Variants in NMNAT2 observed in about 807,000 individuals in gnomAD.
NMNAT2 encodes nicotinamide/nicotinic acid mononucleotide adenylyltransferase 2.
NMNAT2 carries 11 observed loss-of-function variants against 41.6 expected under a neutral mutation model. That is an observed-to-expected ratio of 0.26 (90% CI 0.17 to 0.44). The LOEUF is 0.44. NMNAT2 is among the 20% of genes least tolerant of loss of function. NMNAT2 has a pLI of 1.00. For synonymous variants in NMNAT2, 148 were observed against 151.2 expected, an observed-to-expected ratio of 0.98 and a Z score of 0.16; for missense variants, 288 against 407.7, an observed-to-expected ratio of 0.71 and a Z score of 2.53.
At chr1:183,285,854 C>T (rs950354796) in intron 5 of NMNAT2, among the ~76,000 whole-genome samples, 13 of 152,256 alleles carry the variant, frequency 8.5e-5, no homozygotes, top group African/African-American at 3.1e-4. Flanking sequence ...CATTTGGGCA[C>T]ATAGTCCTAG....
intron 1 of NMNAT2, among the ~76,000 whole-genome samples, chr1:183,349,793 A>G (rs1663006482): frequency 2.6e-5 from 4 of 152,208 alleles, no homozygotes; most frequent in Non-Finnish European, 5.9e-5. Flanking sequence ...GGAACATCAA[A>G]TATTGATTTT....
chr1:183,259,946 A>G (rs1297465349), intron 10 of NMNAT2, among the ~76,000 whole-genome samples: 1 of 152,114 alleles, frequency 6.6e-6, no homozygotes, highest in Non-Finnish European at 1.5e-5. Context: ...CGTGGCTTTC[A>G]GTTTTACACT....
At chr1:183,341,962 G>T (rs1451789010) in intron 1 of NMNAT2, among the ~76,000 whole-genome samples, 2 of 151,764 alleles carry the variant, frequency 1.3e-5, no homozygotes, top group Non-Finnish European at 2.9e-5. Context: ...ATGAATTGAG[G>T]GGGAAGTTTC....
At chr1:183,308,565 G>A (rs1662045498) in intron 1 of NMNAT2, among the ~76,000 whole-genome samples, 1 of 152,210 alleles carries the variant, frequency 6.6e-6, no homozygotes, top group Admixed American at 6.5e-5. Flanking sequence ...AAAGGAAGCT[G>A]TTAAATGTTG....
intron 7 of NMNAT2, among the ~76,000 whole-genome samples, chr1:183,282,150 T>C (rs1661287836): frequency 6.6e-6 from 1 of 152,206 alleles, no homozygotes; most frequent in Admixed American, 6.5e-5. Context: ...TTCTCCATTC[T>C]CTACCCCACA....
intron 7 of NMNAT2, among the ~76,000 whole-genome samples, chr1:183,281,610 A>T (rs769537569): frequency 6.6e-6 from 1 of 152,190 alleles, no homozygotes; most frequent in Non-Finnish European, 1.5e-5. Context: ...TTTAAGTCAG[A>T]CAAGCGGCCC....
intron 1 of NMNAT2, among the ~76,000 whole-genome samples, chr1:183,301,576 G>A (rs934785594): frequency 6.6e-6 from 1 of 152,192 alleles, no homozygotes; most frequent in African/African-American, 2.4e-5. Flanking sequence ...CTTTGCTCCT[G>A]TGCTCATGGA....
At chr1:183,338,520 GA>G (rs1662727356) in intron 1 of NMNAT2, among the ~76,000 whole-genome samples, 1 of 152,164 alleles carries the variant, frequency 6.6e-6, no homozygotes. Context: ...ATGGAAATAA[GA>G]ACCTGTTCTG....
At position 183,390,687 on chromosome 1, in the gene NMNAT2, A is replaced by C. The variant is rs570515480; in HGVS notation, c.85+27496T>G. Among the ~76,000 whole-genome samples the C allele has an allele frequency of 9.2e-5, 14 of 152,340 alleles. No homozygotes were observed. The South Asian group carries it at 2.9e-3, about 32-fold the overall frequency. ...TAGTTTTTGCTGGGGAGAAATGTAA[A>C]GGATAGCACATTTGTCTAAAATGAA... On this transcript the variant is annotated intron_variant, in intron 1 of 10. Coordinates refer to ENST00000287713, the MANE Select transcript of NMNAT2 (RefSeq NM_015039.4).
intron 8 of NMNAT2, among the ~76,000 whole-genome samples, chr1:183,265,349 C>T (rs1269763882): frequency 2.1e-5 from 3 of 142,722 alleles, no homozygotes; most frequent in Non-Finnish European, 4.5e-5. Context: ...TCACTGCAAC[C>T]TCCACCTCCT....
At chr1:183,352,371 C>T (rs982267014) in intron 1 of NMNAT2, among the ~76,000 whole-genome samples, 1 of 151,992 alleles carries the variant, frequency 6.6e-6, no homozygotes, top group Admixed American at 6.5e-5. Flanking sequence ...CGAGACCAGC[C>T]TGGCCAACAT....
intron 2 of NMNAT2, among the ~76,000 whole-genome samples, 155 bp from the exon 3 acceptor site, chr1:183,293,012 A>G (rs193041073): frequency 5.3e-4 from 80 of 152,356 alleles, no homozygotes; most frequent in Non-Finnish European, 6.0e-4. Context: ...CGTTTGCCAC[A>G]CAGGCAGGCC....
Position 183,284,729 on chromosome 1 carries a change from C to T in NMNAT2, c.510G>A (p.Val170=), listed in dbSNP as rs779323009. ...LSRICCVRPP[V]ERFTFVDENA... ...CCTCACCTACAAAGGTGAAACGCTC[C>T]ACCGGCGGGCGGACACAGCAGATCC... The change falls in exon 6 of 11, where the codon GTG becomes GTA. Residue 170 remains valine (V), a synonymous_variant. Transcript: ENST00000287713. 2.5e-6 allele frequency: 4 copies of T among 1,614,044 alleles called. No homozygotes were observed. In the South Asian group the frequency reaches 3.3e-5, roughly 13 times the overall value.
intron 7 of NMNAT2, chr1:183,283,566 G>C (rs958683639): frequency 2.6e-5 from 8 of 307,966 alleles, no homozygotes; most frequent in African/African-American, 1.8e-4. Flanking sequence ...GCCCAAGGCT[G>C]CAAGGGAGGT....
intron 10 of NMNAT2, among the ~76,000 whole-genome samples, chr1:183,257,132 G>A (rs1423922806): frequency 6.6e-6 from 1 of 151,070 alleles, no homozygotes; most frequent in Admixed American, 6.6e-5. Flanking sequence ...CCTTCCAGCT[G>A]TATTTCTTTG....
chr1:183,312,831 A>T (rs1037722720), intron 1 of NMNAT2, among the ~76,000 whole-genome samples: 2 of 152,260 alleles, frequency 1.3e-5, no homozygotes, highest in Admixed American at 1.3e-4. Flanking sequence ...GTGAGGATCA[A>T]ATGAACTAAG....
chr1:183,375,807 A>T lies in NMNAT2; in HGVS notation c.85+42376T>A, dbSNP rs576855210. The stretch of plus-strand genomic sequence containing the variant: ...AGCCTCTCAGAGTACTTATGAGTCA[A>T]TGGGTACATGAACACTTTCTCCTCT... On this transcript the variant is annotated intron_variant, in intron 1 of 10. Coordinates refer to ENST00000287713, the MANE Select transcript of NMNAT2 (RefSeq NM_015039.4). Among the ~76,000 whole-genome samples the T allele has an allele frequency of 2.0e-5, 3 of 152,322 alleles. No individual in the cohort carries two copies. In the East Asian group the frequency reaches 5.8e-4, roughly 29 times the overall value.
intron 1 of NMNAT2, among the ~76,000 whole-genome samples, chr1:183,350,724 G>T (rs1663027963): frequency 6.6e-6 from 1 of 152,154 alleles, no homozygotes; most frequent in Non-Finnish European, 1.5e-5. Flanking sequence ...ATTTCCATTT[G>T]TTGTATGTCT....
intron 1 of NMNAT2, among the ~76,000 whole-genome samples, chr1:183,387,027 G>A (rs998817165): frequency 6.6e-6 from 1 of 151,816 alleles, no homozygotes; most frequent in Non-Finnish European, 1.5e-5. Context: ...AAATGCCTGT[G>A]ATTAGTTTGA....
Sources: gnomAD v4.1 joint callset for allele counts (sites outside exome capture counted in the v4.1 genomes callset) on GRCh38, gnomAD v4.1.1 for gene constraint, MANE v1.5 for transcripts, NCBI Gene and HGNC (gene_info 2026-07-23, HGNC 2026-07-21) for gene names.